The following SGMS1 variants were observed in gnomAD, a reference collection of about 807,000 sequenced individuals.
The protein encoded by SGMS1 is phosphatidylcholine:ceramide cholinephosphotransferase 1.
Under a neutral mutation model 46.2 loss-of-function variants are expected in SGMS1, and 13 were observed. The ratio of observed to expected loss-of-function variants is 0.28; its 90% confidence interval spans 0.18 to 0.45. The LOEUF (loss-of-function observed/expected upper bound fraction) is 0.45. SGMS1 is among the 20% of genes least tolerant of loss of function. The pLI, the probability that SGMS1 is intolerant of heterozygous loss-of-function variation, is 1.00. For synonymous variants in SGMS1, 203 were observed against 187.8 expected, an observed-to-expected ratio of 1.08 and a Z score of -0.66; for missense variants, 324 against 519.9, an observed-to-expected ratio of 0.62 and a Z score of 3.66.
At chr10:50,590,321 C>T (rs918773040) in intron 1 of SGMS1, 74 bp from the exon 2 acceptor site, 2 of 152,180 alleles carry the variant, frequency 1.3e-5, no homozygotes, top group Non-Finnish European at 2.9e-5. Context: ...CAGTTGAGAA[C>T]GTGTTCTTAA....
At chr10:50,548,736 C>T (rs1055003860) in intron 2 of SGMS1, among the ~76,000 whole-genome samples, 1 of 152,130 alleles carries the variant, frequency 6.6e-6, no homozygotes, top group Admixed American at 6.5e-5. Context: ...AGAACTTCTA[C>T]ACAGCAAAAG....
At chr10:50,408,868 C>T (rs955123022) in intron 6 of SGMS1, among the ~76,000 whole-genome samples, 2 of 152,084 alleles carry the variant, frequency 1.3e-5, no homozygotes, top group African/African-American at 4.8e-5. Flanking sequence ...GAGCGAGACT[C>T]TATCTCAAAA....
chr10:50,405,630 G>A (rs752386352), intron 6 of SGMS1, among the ~76,000 whole-genome samples: 8 of 152,048 alleles, frequency 5.3e-5, no homozygotes, highest in Non-Finnish European at 1.2e-4. Flanking sequence ...CCTCACAAAT[G>A]AAAGAAAAAT....
At chr10:50,541,201 A>G (rs530287098) in intron 2 of SGMS1, among the ~76,000 whole-genome samples, 297 of 152,260 alleles carry the variant, frequency 2.0e-3, no homozygotes, top group African/African-American at 7.0e-3. Flanking sequence ...CTATTTTCCG[A>G]TTCTAGTTAA....
rs1170018065 is a variant in SGMS1 at position 50,308,737 on chromosome 10, C to T, written c.896-589G>A. 2.6e-5 allele frequency among the ~76,000 whole-genome samples: 4 copies of T among 152,130 alleles called. No homozygotes were observed. The East Asian group carries it at 7.7e-4, about 29-fold the overall frequency. ...GTGTCAGATAAATACTTGTCTGTAT[C>T]CCCATTTGGGAAATTACCTGAGAAA... is the stretch of plus-strand genomic sequence containing the variant. On this transcript the variant is annotated intron_variant, in intron 9 of 10. Transcript: ENST00000361781.
intron 5 of SGMS1, among the ~76,000 whole-genome samples, chr10:50,438,520 T>C (rs1265759796): frequency 7.9e-5 from 12 of 152,226 alleles, no homozygotes; most frequent in Non-Finnish European, 1.5e-5. Context: ...ACAGCAGCCA[T>C]AGCTGATGCT....
At chr10:50,312,037 G>A (rs1036683020) in intron 8 of SGMS1, among the ~76,000 whole-genome samples, 1 of 152,094 alleles carries the variant, frequency 6.6e-6, no homozygotes, top group Non-Finnish European at 1.5e-5. Flanking sequence ...CTGGACACCG[G>A]AGTAATAAAT....
chr10:50,498,764 T>C (rs12262002), intron 3 of SGMS1, among the ~76,000 whole-genome samples: 4,205 of 152,334 alleles, frequency 0.028, 83 homozygotes, highest in East Asian at 0.06. Flanking sequence ...ATAATGCTGC[T>C]ATAAACCGGG....
At chr10:50,334,703 A>AT (rs1479830931) in intron 7 of SGMS1, 1 of 152,272 alleles carries the variant, frequency 6.6e-6, no homozygotes, top group Non-Finnish European at 1.5e-5. Flanking sequence ...TACATGTGCT[A>AT]TTCTAAACAT....
upstream of SGMS1, among the ~76,000 whole-genome samples, chr10:50,624,305 C>T (rs542269407): frequency 2.0e-5 from 3 of 152,228 alleles, no homozygotes; most frequent in South Asian, 6.2e-4. Context: ...AAGCAGGGAA[C>T]GCAAACTCAG....
In SGMS1 at chr10:50,358,791, T is replaced by C. The variant is rs78214804; in HGVS notation, c.-231-14446A>G. The stretch of plus-strand genomic sequence containing the variant: ...TGTTCAATTATTCTCTAATTCAATT[T>C]GGATAGCTTTACTCCAAACAAATCT... On this transcript the variant is annotated intron_variant, in intron 6 of 10. Coordinates refer to ENST00000361781, the MANE Select transcript of SGMS1 (RefSeq NM_147156.4). 7.7e-3 allele frequency among the ~76,000 whole-genome samples: 1,175 copies of C among 152,366 alleles called. 19 individuals carry two copies. The highest frequency in any genetic ancestry group is 0.027 in the African/African-American group (1,128 of 41,586).
At chr10:50,558,291 T>A (rs981957659) in intron 2 of SGMS1, among the ~76,000 whole-genome samples, 2 of 152,216 alleles carry the variant, frequency 1.3e-5, no homozygotes, top group Non-Finnish European at 2.9e-5. Context: ...TATTACTATT[T>A]ATTTGCAGAT....
chr10:50,367,256 C>T (rs1000244779), intron 6 of SGMS1, among the ~76,000 whole-genome samples: 1 of 152,166 alleles, frequency 6.6e-6, no homozygotes, highest in African/African-American at 2.4e-5. Context: ...ATTTAAGGAA[C>T]ACAACCCTAG....
intron 6 of SGMS1, among the ~76,000 whole-genome samples, chr10:50,393,016 A>ATT (rs1848797717): frequency 6.6e-6 from 1 of 152,136 alleles, no homozygotes; most frequent in Non-Finnish European, 1.5e-5. Context: ...AATGAACCAA[A>ATT]AAATTTATGT....
At chr10:50,539,515 G>A (rs778905269) in intron 2 of SGMS1, among the ~76,000 whole-genome samples, 4 of 152,188 alleles carry the variant, frequency 2.6e-5, no homozygotes, top group Non-Finnish European at 5.9e-5. Context: ...TATACACTAA[G>A]TATTATATGG....
chr10:50,452,727 C>G (rs1011120030), intron 5 of SGMS1, among the ~76,000 whole-genome samples: 2 of 152,034 alleles, frequency 1.3e-5, no homozygotes, highest in African/African-American at 4.8e-5. Context: ...TTTAACAGAC[C>G]CCTGCGTAAA....
At chr10:50,361,280 C>T (rs1222354211) in intron 6 of SGMS1, among the ~76,000 whole-genome samples, 2 of 152,088 alleles carry the variant, frequency 1.3e-5, no homozygotes, top group South Asian at 2.1e-4. Context: ...TCAGAACAGA[C>T]GAACGAGGTC....
At chr10:50,332,611 CTTTTTTTTTTTT>C (rs150975310) in intron 7 of SGMS1, among the ~76,000 whole-genome samples, 6 of 72,698 alleles carry the variant, frequency 8.3e-5, no homozygotes, top group East Asian at 1.0e-3. Context: ...TTTTTTAAGT[CTTTTTTTTTTTT>C]TTTTTTTTTT....
At chr10:50,374,599 A>T (rs1452270414) in intron 6 of SGMS1, among the ~76,000 whole-genome samples, 5 of 152,138 alleles carry the variant, frequency 3.3e-5, no homozygotes, top group Non-Finnish European at 7.3e-5. Context: ...TCTCACTCCA[A>T]GTAAAAAAAC....
Sources: gnomAD v4.1 joint callset for allele counts (sites outside exome capture counted in the v4.1 genomes callset) on GRCh38, gnomAD v4.1.1 for gene constraint, MANE v1.5 for transcripts, NCBI Gene and HGNC (gene_info 2026-07-23, HGNC 2026-07-21) for gene names.